Variants in NRXN1 observed in about 807,000 individuals in gnomAD.
NRXN1 encodes the protein neurexin-1.
A neutral mutation model predicts 150.9 loss-of-function variants in NRXN1; 39 were observed. The ratio of observed to expected loss-of-function variants is 0.26; its 90% confidence interval spans 0.20 to 0.34. NRXN1 has a LOEUF of 0.34. NRXN1 is among the 10% of genes least tolerant of loss of function. The pLI is 1.00. For synonymous variants in NRXN1, 924 were observed against 757.0 expected, an observed-to-expected ratio of 1.22 and a Z score of -3.62; for missense variants, 1,815 against 1,949.9, an observed-to-expected ratio of 0.93 and a Z score of 1.30.
intron 17 of NRXN1, among the ~76,000 whole-genome samples, chr2:50,379,152 G>A (rs1214474014): frequency 6.6e-6 from 1 of 152,090 alleles, no homozygotes; most frequent in South Asian, 2.1e-4. Flanking sequence ...AGAGAGAAAG[G>A]CATTATTCAG....
intron 15 of NRXN1, among the ~76,000 whole-genome samples, chr2:50,485,751 G>C (rs183438479): frequency 8.5e-5 from 13 of 152,332 alleles, no homozygotes; most frequent in African/African-American, 2.4e-4. Flanking sequence ...AGGGATTAAG[G>C]TTGGAAGTTC....
chr2:51,001,305 T>G (rs540524345), intron 2 of NRXN1, among the ~76,000 whole-genome samples: 16 of 151,836 alleles, frequency 1.1e-4, no homozygotes, highest in African/African-American at 3.1e-4. Context: ...TTCTAGAATT[T>G]TATTAAGCAA....
chr2:50,590,636 G>A (rs1438453946), intron 8 of NRXN1, among the ~76,000 whole-genome samples: 2 of 152,082 alleles, frequency 1.3e-5, no homozygotes, highest in African/African-American at 4.8e-5. Flanking sequence ...TGAGGGTGAA[G>A]ACTCATGAAT....
In NRXN1 at chr2:50,013,055, C is replaced by A. The variant is rs1685971054; in HGVS notation, c.4128+40216G>T. 3.9e-5 allele frequency among the ~76,000 whole-genome samples: 6 copies of A among 152,148 alleles called. No individual in the cohort carries two copies. In the South Asian group the frequency reaches 1.2e-3, roughly 32 times the overall value. On this transcript the variant is annotated intron_variant, in intron 21 of 22. Coordinates refer to ENST00000401669, the MANE Select transcript of NRXN1 (RefSeq NM_001330078.2). The stretch of plus-strand genomic sequence containing the variant: ...ACCTACATTTGTTCATCACCACTAC[C>A]TCCTCTCTAAATCCCTTAAATATCC...
At chr2:50,463,687 CA>C (rs1411926606) in intron 17 of NRXN1, among the ~76,000 whole-genome samples, 1 of 151,682 alleles carries the variant, frequency 6.6e-6, no homozygotes, top group East Asian at 1.9e-4. Context: ...GAAAGTCTAA[CA>C]AATACATACA....
chr2:50,378,415 A>T (rs1402124), intron 17 of NRXN1, among the ~76,000 whole-genome samples: 37,573 of 152,032 alleles, frequency 0.25, 4,925 homozygotes, highest in East Asian at 0.43. Context: ...CCTAGCTTCA[A>T]ATGTGCTCAG....
At chr2:50,760,768 G>T (rs2105381448) in intron 5 of NRXN1, among the ~76,000 whole-genome samples, 1 of 152,032 alleles carries the variant, frequency 6.6e-6, no homozygotes, top group African/African-American at 2.4e-5. Context: ...GTGTCTTGAT[G>T]GGAACATGAA....
chr2:50,083,465 C>A (rs960475791), intron 19 of NRXN1, among the ~76,000 whole-genome samples: 27 of 152,258 alleles, frequency 1.8e-4, no homozygotes, highest in African/African-American at 6.5e-4. Flanking sequence ...TCACTGACTT[C>A]AAGAATGAAG....
At chr2:50,021,871 G>A (rs1687622349) in intron 21 of NRXN1, among the ~76,000 whole-genome samples, 1 of 152,082 alleles carries the variant, frequency 6.6e-6, no homozygotes, top group Non-Finnish European at 1.5e-5. Flanking sequence ...TTTATTTAGA[G>A]ATGGAGTCTC....
intron 17 of NRXN1, among the ~76,000 whole-genome samples, chr2:50,345,343 C>T (rs1490930371): frequency 6.6e-6 from 1 of 152,104 alleles, no homozygotes; most frequent in Non-Finnish European, 1.5e-5. Flanking sequence ...AGGTGGGAAA[C>T]CCCCACCCCA....
chr2:50,767,952 T>G (rs1280129607), intron 5 of NRXN1, among the ~76,000 whole-genome samples: 1 of 152,150 alleles, frequency 6.6e-6, no homozygotes, highest in African/African-American at 2.4e-5. Context: ...GATTTACCAC[T>G]GTGAATGCTA....
At chr2:50,677,841 T>C (rs1339616768) in intron 5 of NRXN1, among the ~76,000 whole-genome samples, 1 of 152,008 alleles carries the variant, frequency 6.6e-6, no homozygotes, top group Admixed American at 6.6e-5. Flanking sequence ...TTCGTGCATG[T>C]GGAGAGAACC....
At chr2:50,278,289 C>CATATATAATATATATTTTATATATATATT (rs2070899117) in intron 17 of NRXN1, among the ~76,000 whole-genome samples, 1 of 114,646 alleles carries the variant, frequency 8.7e-6, no homozygotes, top group African/African-American at 3.6e-5. Flanking sequence ...ATATATAATA[C>CATATATAATATATATTTTATATATATATT]ATATATAATA....
At chr2:50,277,639 A>G (rs1167212394) in intron 17 of NRXN1, among the ~76,000 whole-genome samples, 1 of 151,940 alleles carries the variant, frequency 6.6e-6, no homozygotes, top group African/African-American at 2.4e-5. Flanking sequence ...TCAGTAGTCA[A>G]TCCATAGATG....
intron 8 of NRXN1, chr2:50,589,372 G>C (rs1303213383): frequency 6.6e-6 from 1 of 152,224 alleles, no homozygotes; most frequent in African/African-American, 2.4e-5. Context: ...TCCTGGGTGG[G>C]AGTAGTTTCC....
At chr2:50,147,814 A>T (rs2058438712) in intron 18 of NRXN1, among the ~76,000 whole-genome samples, 1 of 151,768 alleles carries the variant, frequency 6.6e-6, no homozygotes, top group African/African-American at 2.4e-5. Context: ...AAACAGTTAT[A>T]GCTAGAAATC....
chr2:50,614,373 G>C (rs376940975), intron 8 of NRXN1, among the ~76,000 whole-genome samples: 1 of 152,144 alleles, frequency 6.6e-6, no homozygotes, highest in East Asian at 1.9e-4. Flanking sequence ...CAGGTCCAAA[G>C]CCTTTTATCC....
rs1680445798 is a variant in NRXN1 at position 50,623,608 on chromosome 2, T to G, written c.840A>C (p.Glu280Asp). Residue 280 changes from glutamate to aspartate, a missense_variant, in exon 6 of 23, where the codon GAA (glutamate) becomes GAC (aspartate). By Grantham distance (45) the Glu-to-Asp change is conservative (BLOSUM62 2). Coordinates refer to ENST00000401669, the MANE Select transcript of NRXN1 (RefSeq NM_001330078.2). ...ATCCTTTGAACGTGGCAATATATTC[T>G]TCTTTTCCTAGAGGAAAACAGATGA... ...MGDQGKSKGK[E>D]EYIATFKGSE... 1 of 1,608,092 alleles carries G rather than the reference T, an allele frequency of 6.2e-7. No homozygotes were observed. The highest frequency in any genetic ancestry group is 1.1e-5 in the South Asian group (1 of 90,962).
At chr2:50,254,297 T>C (rs2067468560) in intron 17 of NRXN1, among the ~76,000 whole-genome samples, 1 of 124,918 alleles carries the variant, frequency 8.0e-6, no homozygotes, top group South Asian at 2.4e-4. Flanking sequence ...AATTTGATTA[T>C]TTTCTCTTTT....
Sources: gnomAD v4.1 joint callset for allele counts (sites outside exome capture counted in the v4.1 genomes callset) on GRCh38, gnomAD v4.1.1 for gene constraint, MANE v1.5 for transcripts, NCBI Gene and HGNC (gene_info 2026-07-23, HGNC 2026-07-21) for gene names.